The following SNAP47 variants were observed in gnomAD, a reference collection of about 807,000 sequenced individuals.
The protein encoded by SNAP47 is synaptosome associated protein 47.
A neutral mutation model predicts 31.4 loss-of-function variants in SNAP47; 20 were observed. That is an observed-to-expected ratio of 0.64 (90% CI 0.45 to 0.93). The LOEUF (loss-of-function observed/expected upper bound fraction) is 0.93, where lower values mean the gene tolerates loss of function less well. Ranked by LOEUF, SNAP47 falls within the 40% of genes least tolerant of loss-of-function variation. The pLI is 0.00. For missense variants in SNAP47, 492 were observed against 528.5 expected (o/e 0.93, Z 0.68); for synonymous variants, 194 against 213.4 (o/e 0.91, Z 0.79).
chr1:227,733,819 A>G (rs41270163), upstream of SNAP47: 238 of 1,591,488 alleles, frequency 1.5e-4, no homozygotes, highest in Non-Finnish European at 1.9e-4. Flanking sequence ...GGCCTGTGCC[A>G]AGCAGCCCCC....
intron 4 of SNAP47, among the ~76,000 whole-genome samples, chr1:227,769,368 C>T (rs909454274): frequency 2.0e-5 from 3 of 152,090 alleles, no homozygotes; most frequent in African/African-American, 7.2e-5. Flanking sequence ...TGCGGGCCCC[C>T]TTCCTTGCAG....
chr1:227,771,509 T>C (rs1663803590), intron 4 of SNAP47, among the ~76,000 whole-genome samples: 1 of 151,994 alleles, frequency 6.6e-6, no homozygotes, highest in Non-Finnish European at 1.5e-5. Flanking sequence ...GCACGTAGCT[T>C]GAGGGTGCCC....
chr1:227,736,424 G>C (rs1161733172), intron 1 of SNAP47: 1 of 151,176 alleles, frequency 6.6e-6, no homozygotes, highest in Non-Finnish European at 1.5e-5. Context: ...CGGCAAGGGA[G>C]TTCCCCACAC....
upstream of SNAP47, chr1:227,734,762 G>C (rs972058559): frequency 3.1e-6 from 5 of 1,614,116 alleles, no homozygotes; most frequent in Non-Finnish European, 4.2e-6. Context: ...GTGCTCTTTG[G>C]GGTTCGAGTT....
At chr1:227,780,170 C>T (rs933630143) in intron 4 of SNAP47, among the ~76,000 whole-genome samples, 3 of 152,152 alleles carry the variant, frequency 2.0e-5, no homozygotes, top group African/African-American at 7.2e-5. Flanking sequence ...CCCAGCTGCC[C>T]CACTGTGGGC....
chr1:227,731,035 CT>C, upstream of SNAP47: 1 of 152,770 alleles, frequency 6.5e-6, no homozygotes, highest in Non-Finnish European at 1.5e-5. Context: ...TGTTTGCTAC[CT>C]CCCCCTCCTC....
chr1:227,739,908 G>T (rs1399970895), intron 1 of SNAP47, among the ~76,000 whole-genome samples: 1 of 152,232 alleles, frequency 6.6e-6, no homozygotes, highest in Admixed American at 6.5e-5. Context: ...ATTGCAACAG[G>T]CAGGGACACC....
chr1:227,760,634 A>G lies in SNAP47; in HGVS notation c.988+1149A>G, dbSNP rs912072. ...GCCATGGTCCTGCCCGTCTGATGGG[A>G]GGCTGGTGGCCTCTTGGTGTTATTC... On this transcript the variant is annotated intron_variant, in intron 3 of 4. Coordinates refer to ENST00000617596, the MANE Select transcript of SNAP47 (RefSeq NM_053052.4). 7.1e-3 allele frequency among the ~76,000 whole-genome samples: 1,077 copies of G among 152,260 alleles called. 9 individuals are homozygous for G. The highest frequency in any genetic ancestry group is 0.024 in the African/African-American group (999 of 41,538).
At chr1:227,745,140 G>A (rs1009814228) in intron 1 of SNAP47, among the ~76,000 whole-genome samples, 3 of 152,330 alleles carry the variant, frequency 2.0e-5, no homozygotes, top group African/African-American at 4.8e-5. Context: ...TCATGCATGC[G>A]TTTATTAATT....
chr1:227,774,047 CT>C (rs1664005509), intron 4 of SNAP47, among the ~76,000 whole-genome samples: 1 of 152,194 alleles, frequency 6.6e-6, no homozygotes, highest in Non-Finnish European at 1.5e-5. Context: ...GAGGAGACAC[CT>C]GCTGTGGATC....
At chr1:227,743,894 A>G (rs979835093) in intron 1 of SNAP47, 4 of 152,224 alleles carry the variant, frequency 2.6e-5, no homozygotes, top group African/African-American at 9.6e-5. Context: ...TGATGATAGA[A>G]TTCTCTTACT....
rs921942364 is a variant in SNAP47 at position 227,741,722 on chromosome 1, G to A, written c.-45-5970G>A. 2.0e-5 allele frequency among the ~76,000 whole-genome samples: 3 copies of A among 152,066 alleles called. No homozygotes were observed. Among genetic ancestry groups the A allele is most frequent in the Admixed American group, 6.5e-5 (1 of 15,284 alleles). ...CTGTGTGGGGCCAGGCGTGTCGTCG[G>A]GTAGGGGAATGGCTGGCCGGCGTGG... On this transcript the variant is annotated intron_variant, in intron 1 of 4. Coordinates refer to ENST00000617596, the MANE Select transcript of SNAP47 (RefSeq NM_053052.4). This position sits in a 1 kb window ranked among gnomAD's most constrained non-coding sequence, Gnocchi z 4.2.
Position 227,743,106 on chromosome 1 carries a change from C to T in SNAP47, c.-45-4586C>T, listed in dbSNP as rs748945798. 4.9e-4 allele frequency among the ~76,000 whole-genome samples: 74 copies of T among 152,134 alleles called. 1 individual carries two copies. Among genetic ancestry groups the T allele is most frequent in the Non-Finnish European group, 3.4e-4 (23 of 68,022 alleles). Reference sequence around the variant, plus strand: ...CCCTCTTCTGTGTCTCCTGAGGGGCCATGTGGGGTGCTCAGGTGAGTATTC... The same window carrying T: ...CCCTCTTCTGTGTCTCCTGAGGGGCTATGTGGGGTGCTCAGGTGAGTATTC... On this transcript the variant is annotated intron_variant, in intron 1 of 4. Transcript: ENST00000617596.
chr1:227,750,882 G>A (rs901215471), intron 2 of SNAP47, among the ~76,000 whole-genome samples: 31 of 152,216 alleles, frequency 2.0e-4, no homozygotes, highest in African/African-American at 6.0e-4. Flanking sequence ...ATCAGTGCCA[G>A]CGTTGGGTGC....
chr1:227,767,512 T>TATGTGC (rs201940699), intron 4 of SNAP47, among the ~76,000 whole-genome samples: 1 of 149,200 alleles, frequency 6.7e-6, no homozygotes, highest in African/African-American at 2.6e-5. Context: ...TTGTACTGTG[T>TATGTGC]ATGTGCATGT....
intron 2 of SNAP47, among the ~76,000 whole-genome samples, chr1:227,753,632 A>G (rs573857897): frequency 1.3e-4 from 20 of 152,246 alleles, no homozygotes; most frequent in African/African-American, 4.3e-4. Flanking sequence ...GCTTCCTCAC[A>G]TCGGAGGCAG....
At chr1:227,753,649 A>G (rs1220310517) in intron 2 of SNAP47, among the ~76,000 whole-genome samples, 2 of 152,134 alleles carry the variant, frequency 1.3e-5, no homozygotes, top group African/African-American at 2.4e-5. Context: ...GCAGTTTTAC[A>G]TAGGCCTGCT....
chr1:227,740,376 T>C (rs1661512701), intron 1 of SNAP47, among the ~76,000 whole-genome samples: 1 of 152,202 alleles, frequency 6.6e-6, no homozygotes, highest in Admixed American at 6.5e-5. Context: ...TTCTGTTCAA[T>C]GACTATCTCA....
chr1:227,776,999 T>A, intron 4 of SNAP47: 1 of 985,474 alleles, frequency 1.0e-6, no homozygotes, highest in Non-Finnish European at 1.2e-6. Flanking sequence ...ACAAATAAAT[T>A]GTGCATATTA....
Sources: allele counts gnomAD v4.1 joint callset (sites outside exome capture counted in the v4.1 genomes callset), GRCh38; gene constraint gnomAD v4.1.1; non-coding constraint Gnocchi (gnomAD v3.1); transcripts MANE v1.5; gene names NCBI Gene and HGNC (gene_info 2026-07-23, HGNC 2026-07-21).